FUT8: variants seen among roughly 807,000 people sequenced by gnomAD.
FUT8 encodes alpha-(1,6)-fucosyltransferase.
Under a neutral mutation model 71.3 loss-of-function variants are expected in FUT8, and 29 were observed. The ratio of observed to expected loss-of-function variants is 0.41; its 90% CI spans 0.30 to 0.55. FUT8 has a LOEUF of 0.55. Among genes scored for constraint, FUT8 ranks in the 20% least tolerant of loss-of-function variants. FUT8 has a pLI of 0.34. For missense variants in FUT8, 544 were observed against 702.1 expected (o/e 0.77, Z 2.55); for synonymous variants, 254 against 239.3 (o/e 1.06, Z -0.57).
chr14:65,742,082 T>A lies in FUT8; in HGVS notation c.1411-11T>A. ...TATATACTAACAATTTCTTTTAAAT[T>A]CTTTCCCAAGGTCTGTCGAGTTGCT... On this transcript the variant is annotated splice_polypyrimidine_tract_variant and intron_variant, in intron 10 of 10. Transcript: ENST00000673929. 1.2e-6 allele frequency: 2 copies of A among 1,604,762 alleles called. No homozygotes were observed. Among genetic ancestry groups the A allele is most frequent in the Non-Finnish European group, 1.7e-6 (2 of 1,174,322 alleles).
intron 3 of FUT8, among the ~76,000 whole-genome samples, chr14:65,570,390 G>A (rs1301252339): frequency 4.1e-5 from 6 of 147,274 alleles, no homozygotes; most frequent in Non-Finnish European, 9.2e-5. Flanking sequence ...GCCTTTAAAA[G>A]GATTATATTT....
chr14:65,501,790 C>T (rs2066649087), intron 2 of FUT8, among the ~76,000 whole-genome samples: 1 of 152,026 alleles, frequency 6.6e-6, no homozygotes, highest in South Asian at 2.1e-4. Flanking sequence ...GACCCCAGAC[C>T]CAGATATTCT....
chr14:65,727,175 G>A (rs1233702105), intron 9 of FUT8, among the ~76,000 whole-genome samples: 1 of 152,144 alleles, frequency 6.6e-6, no homozygotes, highest in Non-Finnish European at 1.5e-5. Flanking sequence ...GTTGGTGGAT[G>A]TACCATTCTG....
rs77618500 is a variant in FUT8 at position 65,575,768 on chromosome 14, G to A, written c.203+14002G>A. Among the ~76,000 whole-genome samples, 629 of 152,052 alleles carry A rather than the reference G, an allele frequency of 4.1e-3. 6 individuals carry two copies. The highest frequency in any genetic ancestry group is 7.1e-3 in the Admixed American group (108 of 15,274). On this transcript the variant is annotated intron_variant, in intron 3 of 10. Coordinates refer to ENST00000673929, the MANE Select transcript of FUT8 (RefSeq NM_001371533.1). ...CGAGTAGCTGGAATTACAGGTGCGC[G>A]TTGCTGTGGCCTGGCTAATTTTTGT... is the stretch of plus-strand genomic sequence containing the variant.
intron 10 of FUT8, among the ~76,000 whole-genome samples, chr14:65,739,356 A>G (rs1896378966): frequency 6.6e-6 from 1 of 152,066 alleles, no homozygotes; most frequent in African/African-American, 2.4e-5. Context: ...AATCTCTACT[A>G]TTATTATAAT....
chr14:65,536,806 T>C (rs1457389115), intron 2 of FUT8, among the ~76,000 whole-genome samples: 1 of 152,144 alleles, frequency 6.6e-6, no homozygotes, highest in Non-Finnish European at 1.5e-5. Context: ...TCTCTATAGG[T>C]TCAGAAAGTT....
intron 6 of FUT8, among the ~76,000 whole-genome samples, chr14:65,639,781 C>T (rs908181903): frequency 1.3e-5 from 2 of 152,106 alleles, no homozygotes; most frequent in African/African-American, 2.4e-5. Flanking sequence ...ACTACCAGTG[C>T]TACTTACCAT....
chr14:65,566,880 C>A (rs1329037181), intron 3 of FUT8, among the ~76,000 whole-genome samples: 1 of 151,892 alleles, frequency 6.6e-6, no homozygotes, highest in Non-Finnish European at 1.5e-5. Flanking sequence ...TGTGAAATAG[C>A]TATTTGCTCA....
At position 65,483,114 on chromosome 14, in the gene FUT8, G is replaced by A. The variant is rs1450276869; in HGVS notation, c.-228+27396G>A. ...ACTTCTGTGTGAAGAGATTTTACTAGCACCCTAAAGAATGGATTTCTGGCA... is the reference window on the plus strand; with the variant it reads ...ACTTCTGTGTGAAGAGATTTTACTAACACCCTAAAGAATGGATTTCTGGCA... On this transcript the variant is annotated intron_variant, in intron 2 of 10. Coordinates refer to ENST00000673929, the MANE Select transcript of FUT8 (RefSeq NM_001371533.1). The surrounding 1 kb of genome is among the most constrained non-coding windows in gnomAD (Gnocchi z 4.4). 6.6e-6 allele frequency among the ~76,000 whole-genome samples: 1 copy of A among 152,172 alleles called. No homozygotes were observed. Among genetic ancestry groups the A allele is most frequent in the Non-Finnish European group, 1.5e-5 (1 of 68,038 alleles).
chr14:65,425,645 A>T (rs1319757763), intron 1 of FUT8, among the ~76,000 whole-genome samples: 3 of 152,018 alleles, frequency 2.0e-5, no homozygotes, highest in African/African-American at 7.2e-5. Context: ...GTCACCTCAC[A>T]TAGTTATTTT....
At chr14:65,577,306 A>G (rs1019993203) in intron 3 of FUT8, among the ~76,000 whole-genome samples, 1 of 152,152 alleles carries the variant, frequency 6.6e-6, no homozygotes, top group Non-Finnish European at 1.5e-5. Flanking sequence ...CTGATCGGTT[A>G]TGCTTAGAAA....
At position 65,439,974 on chromosome 14, in the gene FUT8, A is replaced by ACG. The variant is rs1566748243; in HGVS notation, c.-325-15647_-325-15646insCG. Among the ~76,000 whole-genome samples the ACG allele has an allele frequency of 4.4e-5, 6 of 136,450 alleles. 1 individual carries two copies. Among genetic ancestry groups the ACG allele is most frequent in the South Asian group, 2.3e-4 (1 of 4,260 alleles). The allele number at this position is 136,450 out of a possible 152,430, so 89.5% of individuals were successfully genotyped here. A position where few individuals can be genotyped will look rare whatever the true frequency, so the allele number is the denominator to read the frequency against. On this transcript the variant is annotated intron_variant, in intron 1 of 10. Coordinates refer to ENST00000673929, the MANE Select transcript of FUT8 (RefSeq NM_001371533.1). ...TGTGTGTATATATATATATATATATATATATATATATATATATGTACACAC... is the reference window on the plus strand; with the variant it reads ...TGTGTGTATATATATATATATATATACGTATATATATATATATATGTACACAC...
intron 2 of FUT8, among the ~76,000 whole-genome samples, chr14:65,528,270 C>T (rs1018576789): frequency 1.1e-4 from 17 of 152,226 alleles, no homozygotes; most frequent in African/African-American, 1.7e-4. Context: ...CCCCCAGCTT[C>T]GCTGCCACCT....
intron 2 of FUT8, among the ~76,000 whole-genome samples, chr14:65,538,878 G>C (rs778396723): frequency 6.6e-6 from 1 of 152,082 alleles, no homozygotes; most frequent in Non-Finnish European, 1.5e-5. Flanking sequence ...CCAAGATCGC[G>C]CCATTGCACT....
At chr14:65,521,929 A>G (rs567312360) in intron 2 of FUT8, among the ~76,000 whole-genome samples, 4 of 151,108 alleles carry the variant, frequency 2.6e-5, no homozygotes, top group African/African-American at 9.7e-5. Flanking sequence ...GTCTTTAGAG[A>G]TCATTTAGAT....
At chr14:65,681,676 C>G (rs531514558) in intron 7 of FUT8, among the ~76,000 whole-genome samples, 13 of 152,250 alleles carry the variant, frequency 8.5e-5, no homozygotes, top group Non-Finnish European at 1.3e-4. Flanking sequence ...ATCTTTGATT[C>G]AGTGAATATA....
At chr14:65,533,674 A>G (rs984119070) in intron 2 of FUT8, among the ~76,000 whole-genome samples, 1 of 151,822 alleles carries the variant, frequency 6.6e-6, no homozygotes, top group Non-Finnish European at 1.5e-5. Context: ...TTCCAATACT[A>G]TGTTGAATAG....
chr14:65,467,938 C>CT lies in FUT8; in HGVS notation c.-228+12223dup, dbSNP rs951302416. Reference sequence around the variant, plus strand: ...ACCCGGGTACCTTTCTCTTTGGCTTCTTTCTTTTTCCGATCATTTTCCTTT... The same window carrying CT: ...ACCCGGGTACCTTTCTCTTTGGCTTCTTTTCTTTTTCCGATCATTTTCCTTT... On this transcript the variant is annotated intron_variant, in intron 2 of 10. Transcript: ENST00000673929. This position sits in a 1 kb window ranked among gnomAD's most constrained non-coding sequence, Gnocchi z 4.1. 4 of 739,452 alleles carry CT rather than the reference C, an allele frequency of 5.4e-6. No individual in the cohort carries two copies. Among genetic ancestry groups the CT allele is most frequent in the African/African-American group, 1.7e-5 (1 of 57,738 alleles). 45.8% of individuals were successfully genotyped at this position (739,452 alleles called of 1,614,324 possible).
At chr14:65,439,991 T>TATATATATATATATATATATAC (rs1491251493) in intron 1 of FUT8, among the ~76,000 whole-genome samples, 4 of 134,236 alleles carry the variant, frequency 3.0e-5, no homozygotes, top group Admixed American at 7.4e-5. Context: ...TATATATATA[T>TATATATATATATATATATATAC]GTACACACAC....
Sources: gnomAD v4.1 joint callset for allele counts (sites outside exome capture counted in the v4.1 genomes callset) on GRCh38, gnomAD v4.1.1 for gene constraint, Gnocchi (gnomAD v3.1) non-coding constraint, MANE v1.5 for transcripts, NCBI Gene and HGNC (gene_info 2026-07-23, HGNC 2026-07-21) for gene names.